SH3YL1: variants seen among roughly 807,000 people sequenced by gnomAD.
SH3YL1 encodes SH3 and SYLF domain containing 1, also known as SH3 domain-containing YSC84-like protein 1.
In SH3YL1, 41 loss-of-function variants were observed where a neutral mutation model predicts 45.8. The observed-to-expected ratio is 0.89, with a 90% confidence interval of 0.70 to 1.16. The LOEUF (loss-of-function observed/expected upper bound fraction) is 1.16, where lower values mean the gene tolerates loss of function less well. Ranked by LOEUF, SH3YL1 falls within the 50% of genes most tolerant of loss-of-function variation. SH3YL1 has a pLI of 0.00. For synonymous variants in SH3YL1, 152 were observed against 151.4 expected (o/e 1.00, Z -0.03); for missense variants, 389 against 409.6 (o/e 0.95, Z 0.43).
chr2:262,904 C>G (rs1038048502), intron 1 of SH3YL1: 5 of 338,526 alleles, frequency 1.5e-5, no homozygotes, highest in Non-Finnish European at 2.8e-5. Context: ...TTTCTTTAAA[C>G]AGAACATTAG....
At chr2:255,350 T>C (rs113928508) in intron 1 of SH3YL1, among the ~76,000 whole-genome samples, 7 of 152,304 alleles carry the variant, frequency 4.6e-5, no homozygotes, top group African/African-American at 1.4e-4. Context: ...TCCCAGCACT[T>C]TGGGAGGCCA....
At chr2:255,235 T>A (rs1408682165) in intron 1 of SH3YL1, among the ~76,000 whole-genome samples, 1 of 152,206 alleles carries the variant, frequency 6.6e-6, no homozygotes, top group Non-Finnish European at 1.5e-5. Flanking sequence ...ATCCCTTTCT[T>A]TTATTCAGCA....
At chr2:247,296 G>A (rs1668861935) in intron 4 of SH3YL1, among the ~76,000 whole-genome samples, 1 of 152,174 alleles carries the variant, frequency 6.6e-6, no homozygotes, top group Non-Finnish European at 1.5e-5. Context: ...AAATGTGCAT[G>A]AGACAGAAGC....
At chr2:238,587 T>C (rs1470960341) in intron 4 of SH3YL1, among the ~76,000 whole-genome samples, 2 of 152,212 alleles carry the variant, frequency 1.3e-5, no homozygotes, top group Non-Finnish European at 2.9e-5. Context: ...TCTGGCTTGA[T>C]GACCCAGTGT....
At chr2:242,443 T>G (rs1262399295) in intron 4 of SH3YL1, among the ~76,000 whole-genome samples, 1 of 151,876 alleles carries the variant, frequency 6.6e-6, no homozygotes, top group Non-Finnish European at 1.5e-5. Context: ...TAAATCAAGT[T>G]CCCATAAATT....
Position 249,812 on chromosome 2 carries a change from T to C in SH3YL1, c.145A>G (p.Ile49Val). The C allele has an allele frequency of 3.2e-6, 5 of 1,552,074 alleles. No homozygotes were observed. Among genetic ancestry groups the C allele is most frequent in the East Asian group, 2.4e-5 (1 of 40,920 alleles). ...HVIAKAKGLA[I>V]LSVIKAGFLV... ...AACCCGGCTTTGATCACAGACAGAA[T>C]TGCAAGGCCTTTAGCCTTCGCAATT... Residue 49 changes from isoleucine (I) to valine (V), a missense_variant, in exon 3 of 10, where the codon ATT (isoleucine) becomes GTT (valine). Ile to Val is a conservative substitution (Grantham distance 29). Coordinates refer to ENST00000356150, the MANE Select transcript of SH3YL1 (RefSeq NM_015677.4).
upstream of SH3YL1, chr2:264,727 A>G (rs948415116): frequency 4.2e-6 from 2 of 478,108 alleles, no homozygotes; most frequent in Non-Finnish European, 7.4e-6. Flanking sequence ...CTGCAGGTGA[A>G]CGGCGGCCCA....
chr2:247,141 T>A (rs1263979814), intron 4 of SH3YL1, among the ~76,000 whole-genome samples: 1 of 152,240 alleles, frequency 6.6e-6, no homozygotes, highest in African/African-American at 2.4e-5. Flanking sequence ...GAATATCATA[T>A]GTTACAAAAC....
At chr2:250,369 T>A (rs1055102795) in intron 2 of SH3YL1, among the ~76,000 whole-genome samples, 1 of 152,240 alleles carries the variant, frequency 6.6e-6, no homozygotes, top group African/African-American at 2.4e-5. Context: ...AATTTTCCAA[T>A]GTTAAAACAT....
At chr2:220,734 T>C (rs1667533794) in intron 9 of SH3YL1, among the ~76,000 whole-genome samples, 1 of 152,242 alleles carries the variant, frequency 6.6e-6, no homozygotes, top group African/African-American at 2.4e-5. Flanking sequence ...TTCATGATTA[T>C]ATTTAGGATA....
chr2:260,180 T>A (rs1669528428), intron 1 of SH3YL1: 1 of 152,206 alleles, frequency 6.6e-6, no homozygotes. Context: ...GCCATTACTA[T>A]CAGGTGGTAA....
intron 1 of SH3YL1, among the ~76,000 whole-genome samples, chr2:255,678 G>C (rs1669288919): frequency 6.6e-6 from 1 of 152,174 alleles, no homozygotes; most frequent in African/African-American, 2.4e-5. Flanking sequence ...AAAGATGTCA[G>C]TATCAGTTCT....
At chr2:262,833 T>C (rs886305942) in intron 1 of SH3YL1, 1 of 663,126 alleles carries the variant, frequency 1.5e-6, no homozygotes, top group Middle Eastern at 3.7e-4. Flanking sequence ...GCAAACATTA[T>C]TTTAAACTTT....
At chr2:234,748 C>T (rs1668209444) in intron 4 of SH3YL1, among the ~76,000 whole-genome samples, 2 of 152,182 alleles carry the variant, frequency 1.3e-5, no homozygotes. Flanking sequence ...CTACACTCTC[C>T]TCCTGGCCAG....
In SH3YL1 at chr2:218,789, AAAG is replaced by A. The variant is rs749108064; in HGVS notation, c.*19_*21del. 2.6e-6 allele frequency: 4 copies of A among 1,520,350 alleles called. No individual in the cohort carries two copies. The highest frequency in any genetic ancestry group is 2.3e-5 in the East Asian group (1 of 42,894). The allele number at this position is 1,520,350 out of a possible 1,614,324, so 94.2% of individuals were successfully genotyped here. Reference sequence around the variant, plus strand: ...TAGAAATAATTTTTTTGTAATTCTCAAAGAAGAAAATAGTATACGCTTTAATTC... The same window carrying A: ...TAGAAATAATTTTTTTGTAATTCTCAAAGAAAATAGTATACGCTTTAATTC... On this transcript the variant is annotated 3_prime_UTR_variant, in exon 10 of 10. Transcript: ENST00000356150.
intron 4 of SH3YL1, chr2:244,538 A>G (rs539719752): frequency 7.0e-6 from 1 of 143,308 alleles, no homozygotes; most frequent in South Asian, 2.3e-4. Flanking sequence ...AAAGAAAGAA[A>G]GAACGAAAGA....
intron 4 of SH3YL1, among the ~76,000 whole-genome samples, chr2:243,169 C>G (rs1668621767): frequency 6.6e-6 from 1 of 152,028 alleles, no homozygotes; most frequent in African/African-American, 2.4e-5. Flanking sequence ...CCATGTAAAC[C>G]AACTAGACCC....
intron 4 of SH3YL1, chr2:243,646 C>A: frequency 7.0e-7 from 1 of 1,435,254 alleles, no homozygotes; most frequent in Non-Finnish European, 9.3e-7. Flanking sequence ...AAACTTTAAG[C>A]AACAGCCTTG....
chr2:234,473 C>T (rs1377530562), intron 4 of SH3YL1, among the ~76,000 whole-genome samples: 1 of 152,162 alleles, frequency 6.6e-6, no homozygotes, highest in African/African-American at 2.4e-5. Flanking sequence ...TTACAACAAA[C>T]CTCAGCGAGC....
Sources: allele counts gnomAD v4.1 joint callset (sites outside exome capture counted in the v4.1 genomes callset), GRCh38; gene constraint gnomAD v4.1.1; transcripts MANE v1.5; gene names NCBI Gene and HGNC (gene_info 2026-07-23, HGNC 2026-07-21).